The following FMN1 variants were observed in gnomAD, a reference collection of about 807,000 sequenced individuals.
FMN1 encodes formin-1.
FMN1 carries 110 observed loss-of-function variants against 132.4 expected under a neutral mutation model. The observed-to-expected ratio is 0.83, with a 90% CI of 0.71 to 0.97. The LOEUF (loss-of-function observed/expected upper bound fraction) is 0.97. Among genes scored for constraint, FMN1 ranks in the 50% least tolerant of loss-of-function variants. The probability of loss-of-function intolerance (pLI) is 0.00; values close to 1 mark genes in which losing one functional copy is unlikely to be tolerated. For synonymous variants in FMN1, 722 were observed against 651.7 expected (o/e 1.11, Z -1.64); for missense variants, 1,792 against 1,705.3 (o/e 1.05, Z -0.90).
At chr15:33,003,419 CA>C (rs746702800) in intron 7 of FMN1, among the ~76,000 whole-genome samples, 18 of 152,030 alleles carry the variant, frequency 1.2e-4, no homozygotes, top group Non-Finnish European at 1.9e-4. Context: ...GACAGAGAGC[CA>C]AATCATGAGT....
In FMN1 at chr15:32,854,214, T is replaced by C. The variant is rs1257241842; in HGVS notation, c.3928+2801A>G. 2.6e-5 allele frequency among the ~76,000 whole-genome samples: 4 copies of C among 152,198 alleles called. No individual in the cohort carries two copies. The East Asian group carries it at 7.7e-4, about 29-fold the overall frequency. On this transcript the variant is annotated intron_variant, in intron 17 of 20. Coordinates refer to ENST00000616417, the MANE Select transcript of FMN1 (RefSeq NM_001277313.2). ...TTGACATGTTTTTTCTGCTGAGTTT[T>C]CAAAACCCCGTGTTTTACCCTCATA...
intron 7 of FMN1, among the ~76,000 whole-genome samples, chr15:32,993,747 G>A (rs780212790): frequency 1.3e-5 from 2 of 152,046 alleles, no homozygotes; most frequent in African/African-American, 2.4e-5. Flanking sequence ...CCTCAGCACC[G>A]GTAGAAAGGT....
rs746163027 is a variant in FMN1 at position 33,066,742 on chromosome 15, G to A, written c.2044-1668C>T. 35 of 1,613,940 alleles carry A rather than the reference G, an allele frequency of 2.2e-5. No homozygotes were observed. The South Asian group carries it at 2.7e-4, about 13-fold the overall frequency. On this transcript the variant is annotated intron_variant, in intron 5 of 20. Coordinates refer to ENST00000616417, the MANE Select transcript of FMN1 (RefSeq NM_001277313.2). Reference sequence around the variant, plus strand: ...CCTGGGTTTGTGGTACTCCAGGGCCGCTCTGGCTCTCTTGGTCAGCATTGC... The same window carrying A: ...CCTGGGTTTGTGGTACTCCAGGGCCACTCTGGCTCTCTTGGTCAGCATTGC...
chr15:32,979,997 G>A (rs1469720140), intron 7 of FMN1, among the ~76,000 whole-genome samples: 1 of 152,188 alleles, frequency 6.6e-6, no homozygotes, highest in Non-Finnish European at 1.5e-5. Context: ...CCAGGGATTA[G>A]TCACTTGAGA....
At chr15:32,929,332 C>A (rs2061044948) in intron 9 of FMN1, among the ~76,000 whole-genome samples, 1 of 152,224 alleles carries the variant, frequency 6.6e-6, no homozygotes, top group South Asian at 2.1e-4. Flanking sequence ...ATGGTAGGGA[C>A]ACAATGCGCA....
chr15:33,160,597 T>C (rs1201792529), intron 3 of FMN1, among the ~76,000 whole-genome samples: 1 of 152,150 alleles, frequency 6.6e-6, no homozygotes, highest in Non-Finnish European at 1.5e-5. Context: ...TGCATTGGGG[T>C]TAAATACACT....
intron 17 of FMN1, among the ~76,000 whole-genome samples, chr15:32,806,182 T>G (rs898844688): frequency 2.9e-4 from 44 of 152,206 alleles, no homozygotes; most frequent in Admixed American, 7.9e-4. Context: ...TGATGTAAAA[T>G]GAACGAAAAT....
intron 16 of FMN1, among the ~76,000 whole-genome samples, chr15:32,881,690 A>C (rs1349833246): frequency 2.6e-5 from 4 of 152,276 alleles, no homozygotes; most frequent in African/African-American, 9.6e-5. Context: ...GAAGCATTTA[A>C]ACTCTCATGG....
intron 17 of FMN1, among the ~76,000 whole-genome samples, chr15:32,827,643 G>A (rs902598213): frequency 6.6e-6 from 1 of 152,044 alleles, no homozygotes; most frequent in African/African-American, 2.4e-5. Context: ...CAGGTCAGGA[G>A]ATCGAGACCA....
At chr15:32,922,609 C>T (rs2060859070) in intron 10 of FMN1, among the ~76,000 whole-genome samples, 1 of 152,156 alleles carries the variant, frequency 6.6e-6, no homozygotes. Context: ...AACAGCCAAA[C>T]CAGTAAAAGC....
intron 6 of FMN1, among the ~76,000 whole-genome samples, chr15:33,026,410 T>TCACACACACA (rs71113496): frequency 0.028 from 3,858 of 140,158 alleles, 117 homozygotes; most frequent in African/African-American, 0.06. Flanking sequence ...GTCCAAATTT[T>TCACACACACA]CACACACACA....
At chr15:32,981,221 G>C (rs535602681) in intron 7 of FMN1, among the ~76,000 whole-genome samples, 367 of 152,112 alleles carry the variant, frequency 2.4e-3, no homozygotes, top group African/African-American at 8.3e-3. Flanking sequence ...ACTGGGTGCG[G>C]TGGCTCACGC....
In FMN1 at chr15:33,132,827, G is replaced by A. The variant is rs143686765; in HGVS notation, c.1867+20221C>T. On this transcript the variant is annotated intron_variant, in intron 4 of 20. Coordinates refer to ENST00000616417, the MANE Select transcript of FMN1 (RefSeq NM_001277313.2). The stretch of plus-strand genomic sequence containing the variant: ...CCCATGCACATGCCTGCCTGGACCT[G>A]TACCTCTTTGACCACATCTTCAAGA... 9.5e-4 allele frequency among the ~76,000 whole-genome samples: 144 copies of A among 152,200 alleles called. 1 individual carries two copies. The highest frequency in any genetic ancestry group is 2.7e-3 in the South Asian group (13 of 4,820).
intron 15 of FMN1, among the ~76,000 whole-genome samples, chr15:32,888,501 A>G (rs1019968922): frequency 1.3e-5 from 2 of 152,202 alleles, no homozygotes; most frequent in African/African-American, 4.8e-5. Context: ...CTTATTGGCA[A>G]TGAGGTCGGC....
At chr15:33,015,201 C>A (rs778565154) in intron 6 of FMN1, among the ~76,000 whole-genome samples, 13 of 152,328 alleles carry the variant, frequency 8.5e-5, no homozygotes, top group Non-Finnish European at 1.5e-4. Context: ...GCAGCAGATG[C>A]AAACAAAACC....
At position 33,025,529 on chromosome 15, in the gene FMN1, AATG is replaced by A. The variant is rs199936054; in HGVS notation, c.2162-17457_2162-17455del. On this transcript the variant is annotated intron_variant, in intron 6 of 20. Coordinates refer to ENST00000616417, the MANE Select transcript of FMN1 (RefSeq NM_001277313.2). ...GCAATTAAATTAAAATCCACAATAAAATGATAAGCTAAAAACAATTAAAAGAAA... is the reference window on the plus strand; with the variant it reads ...GCAATTAAATTAAAATCCACAATAAAATAAGCTAAAAACAATTAAAAGAAA... Among the ~76,000 whole-genome samples the A allele has an allele frequency of 4.5e-3, 684 of 152,326 alleles. 8 individuals carry two copies. Among genetic ancestry groups the A allele is most frequent in the African/African-American group, 0.014 (580 of 41,594 alleles).
At position 32,901,960 on chromosome 15, in the gene FMN1, C is replaced by T. The variant is rs982728012; in HGVS notation, c.3458G>A (p.Gly1153Asp). 2.5e-6 allele frequency: 4 copies of T among 1,613,028 alleles called. No individual in the cohort carries two copies. The highest frequency in any genetic ancestry group is 3.4e-6 in the Non-Finnish European group (4 of 1,179,384). ...CIIFRSVFSE[G>D]ITSLHRKVEI... ...TACCTTTCTGTGCAAGGAGGTGATACCCTCAGAAAAGACAGATCTGAAGAT... is the reference window on the plus strand; with the variant it reads ...TACCTTTCTGTGCAAGGAGGTGATATCCTCAGAAAAGACAGATCTGAAGAT... Residue 1153 changes from glycine to aspartate, a missense_variant, in exon 13 of 21, where the codon GGT (glycine) becomes GAT (aspartate). Gly to Asp is a moderately conservative substitution (Grantham distance 94). Around this residue, in one of 3 missense-constraint regions of FMN1, gnomAD observed 1,150 missense variants for 1,043.1 expected, o/e 1.10. Transcript: ENST00000616417.
intron 6 of FMN1, chr15:33,064,096 T>C (rs1303597493): frequency 2.0e-5 from 3 of 152,142 alleles, no homozygotes; most frequent in Non-Finnish European, 4.4e-5. Context: ...AAAAACCTAC[T>C]GAACCACCCA....
intron 7 of FMN1, among the ~76,000 whole-genome samples, chr15:33,005,956 G>A (rs541058483): frequency 8.5e-5 from 13 of 152,112 alleles, no homozygotes; most frequent in Non-Finnish European, 1.6e-4. Context: ...GTTTCTTTGT[G>A]AAATTGACTC....
Sources: gnomAD v4.1 joint callset for allele counts (sites outside exome capture counted in the v4.1 genomes callset) on GRCh38, gnomAD v4.1.1 for gene constraint, gnomAD v4.1.1 regional missense constraint, MANE v1.5 for transcripts, NCBI Gene and HGNC (gene_info 2026-07-23, HGNC 2026-07-21) for gene names.